SRL: variants seen among roughly 807,000 people sequenced by gnomAD.
The protein encoded by SRL is sarcalumenin.
SRL carries 23 observed loss-of-function variants against 39.5 expected under a neutral mutation model. The observed-to-expected ratio is 0.58, with a 90% CI of 0.42 to 0.82. The LOEUF is 0.82. Among genes scored for constraint, SRL ranks in the 40% least tolerant of loss-of-function variants. The pLI is 0.00. For missense variants in SRL, 592 were observed against 607.8 expected (o/e 0.97, Z 0.27); for synonymous variants, 272 against 237.4 (o/e 1.15, Z -1.34).
chr16:4,229,102 A>G (rs758534303), intron 1 of SRL, among the ~76,000 whole-genome samples: 6 of 151,584 alleles, frequency 4.0e-5, no homozygotes, highest in Admixed American at 1.3e-4. Flanking sequence ...GGTGGCCTGA[A>G]TCAAGAAGAT....
At chr16:4,197,421 CTTTTT>C (rs71139621) in intron 4 of SRL, among the ~76,000 whole-genome samples, 1 of 107,566 alleles carries the variant, frequency 9.3e-6, no homozygotes, top group African/African-American at 3.8e-5. Flanking sequence ...CTTTTCTTTC[CTTTTT>C]TTTTTTTTTT....
intron 2 of SRL, 28 bp downstream of exon 2, chr16:4,204,505 C>T (rs1051671594): frequency 1.9e-6 from 3 of 1,606,728 alleles, no homozygotes; most frequent in Non-Finnish European, 2.6e-6. Context: ...CTCTCCCAGC[C>T]CTGGGCATAT....
intron 1 of SRL, among the ~76,000 whole-genome samples, chr16:4,240,869 C>A (rs535245311): frequency 6.6e-6 from 1 of 152,170 alleles, no homozygotes; most frequent in Admixed American, 6.5e-5. Flanking sequence ...GCACTCAAGC[C>A]GCTGCAGCCC....
chr16:4,199,692 CCTT>C (rs2052197534), intron 3 of SRL, among the ~76,000 whole-genome samples: 1 of 111,454 alleles, frequency 9.0e-6, no homozygotes, highest in African/African-American at 3.4e-5. Context: ...CTTTTCTTTT[CCTT>C]TTTTTTTTTT....
At chr16:4,239,416 C>T (rs994002767) in intron 1 of SRL, among the ~76,000 whole-genome samples, 1 of 152,186 alleles carries the variant, frequency 6.6e-6, no homozygotes, top group African/African-American at 2.4e-5. Context: ...CCCCAATCTC[C>T]GTATCAAGCA....
chr16:4,189,987 A>C lies in SRL; in HGVS notation c.*2166T>G, dbSNP rs1488955188. The C allele has an allele frequency of 3.2e-6, 1 of 312,828 alleles. No individual in the cohort carries two copies. The highest frequency in any genetic ancestry group is 5.8e-6 in the Non-Finnish European group (1 of 172,238). 19.4% of individuals were successfully genotyped at this position (312,828 alleles called of 1,614,324 possible). A position where few individuals can be genotyped will look rare whatever the true frequency, so the allele number is the denominator to read the frequency against. On this transcript the variant is annotated 3_prime_UTR_variant, in exon 6 of 6. Transcript: ENST00000399609. ...TGGGGTTTGCGGAGGGTGGTTAATG[A>C]GAAGAAAAGTCCAGGACAGATTCCA...
At chr16:4,195,445 G>A in intron 5 of SRL, 108 bp downstream of exon 5, 1 of 1,107,142 alleles carries the variant, frequency 9.0e-7, no homozygotes, top group Non-Finnish European at 1.3e-6. Context: ...GGATCCTCCT[G>A]TCTTGGTCTC....
At chr16:4,221,636 C>T (rs1054902729) in intron 1 of SRL, among the ~76,000 whole-genome samples, 9 of 152,186 alleles carry the variant, frequency 5.9e-5, no homozygotes, top group Non-Finnish European at 1.0e-4. Context: ...TGCACTGATG[C>T]CTGAATGTGG....
intron 4 of SRL, among the ~76,000 whole-genome samples, chr16:4,197,073 T>C (rs2052158370): frequency 1.1e-5 from 1 of 87,374 alleles, no homozygotes; most frequent in African/African-American, 4.4e-5. Flanking sequence ...TTTTTTTTTT[T>C]TTTTTTTTTT....
chr16:4,207,067 G>C (rs761651443), intron 1 of SRL: 2 of 453,368 alleles, frequency 4.4e-6, no homozygotes. Flanking sequence ...CCGCCTTCCT[G>C]GGGCTCCCTG....
At chr16:4,199,131 A>G (rs1252539748) in intron 3 of SRL, among the ~76,000 whole-genome samples, 4 of 152,068 alleles carry the variant, frequency 2.6e-5, no homozygotes, top group East Asian at 1.9e-4. Context: ...CCCTAAAAAC[A>G]CTAGGCACTC....
chr16:4,231,535 C>T (rs981612179), intron 1 of SRL, among the ~76,000 whole-genome samples: 1 of 152,168 alleles, frequency 6.6e-6, no homozygotes, highest in Non-Finnish European at 1.5e-5. Flanking sequence ...TCGAGCCCCC[C>T]TTCCAGGAAG....
At chr16:4,208,935 C>T (rs1326374429) in intron 1 of SRL, among the ~76,000 whole-genome samples, 1 of 152,138 alleles carries the variant, frequency 6.6e-6, no homozygotes, top group Non-Finnish European at 1.5e-5. Flanking sequence ...CTCATCTGTG[C>T]CAGAGACCTC....
At chr16:4,211,870 G>A (rs1382060934) in intron 1 of SRL, among the ~76,000 whole-genome samples, 1 of 152,194 alleles carries the variant, frequency 6.6e-6, no homozygotes, top group African/African-American at 2.4e-5. Context: ...CGACGATGGT[G>A]ATGATGGTGA....
intron 1 of SRL, among the ~76,000 whole-genome samples, chr16:4,228,494 G>A (rs2052619010): frequency 6.6e-6 from 1 of 152,090 alleles, no homozygotes; most frequent in Non-Finnish European, 1.5e-5. Context: ...CCAGCACTTT[G>A]GGAGGCCGAG....
At chr16:4,202,258 G>T (rs7198984) in intron 3 of SRL, among the ~76,000 whole-genome samples, 34,782 of 152,034 alleles carry the variant, frequency 0.23, 4,890 homozygotes, top group African/African-American at 0.38. Flanking sequence ...TGCTTGGAAG[G>T]CTTCACTATA....
intron 1 of SRL, among the ~76,000 whole-genome samples, chr16:4,240,224 A>G (rs1408715099): frequency 1.3e-5 from 2 of 152,012 alleles, no homozygotes; most frequent in Non-Finnish European, 2.9e-5. Context: ...CACAGCGGAG[A>G]GATGAGGGAA....
Position 4,227,145 on chromosome 16 carries a change from G to T in SRL, c.61+14862C>A, listed in dbSNP as rs142025530. Among the ~76,000 whole-genome samples the T allele has an allele frequency of 5.3e-4, 80 of 151,866 alleles. 1 individual carries two copies. The highest frequency in any genetic ancestry group is 1.8e-3 in the African/African-American group (73 of 41,402). Reference sequence around the variant, plus strand: ...TGAATGGAAGGATGGATGAAAGCAAGGATGGATGGTGGATGAATGGAAGGG... The same window carrying T: ...TGAATGGAAGGATGGATGAAAGCAATGATGGATGGTGGATGAATGGAAGGG... On this transcript the variant is annotated intron_variant, in intron 1 of 5. Coordinates refer to ENST00000399609, the MANE Select transcript of SRL (RefSeq NM_001098814.2).
intron 1 of SRL, among the ~76,000 whole-genome samples, chr16:4,238,432 G>T (rs1357569944): frequency 6.6e-6 from 1 of 152,152 alleles, no homozygotes; most frequent in African/African-American, 2.4e-5. Context: ...CCAGCTAGAT[G>T]CTACCGGCCT....
Sources: allele counts gnomAD v4.1 joint callset (sites outside exome capture counted in the v4.1 genomes callset), GRCh38; gene constraint gnomAD v4.1.1; transcripts MANE v1.5; gene names NCBI Gene and HGNC (gene_info 2026-07-23, HGNC 2026-07-21).